Variants in NAV3 observed in about 807,000 individuals in gnomAD.
NAV3 encodes the protein pore membrane and/or filament interacting like protein 1.
NAV3 carries 87 observed loss-of-function variants against 244.7 expected under a neutral mutation model. The observed-to-expected ratio is 0.36, with a 90% CI of 0.30 to 0.42. The LOEUF is 0.42. NAV3 is among the 20% of genes least tolerant of loss of function. The pLI is 1.00. For synonymous variants in NAV3, 1,126 were observed against 1,042.2 expected, an observed-to-expected ratio of 1.08 and a Z score of -1.55; for missense variants, 2,663 against 2,893.3, an observed-to-expected ratio of 0.92 and a Z score of 1.83.
chr12:77,995,290 A>T (rs1386568398), intron 6 of NAV3, among the ~76,000 whole-genome samples: 2 of 152,144 alleles, frequency 1.3e-5, no homozygotes, highest in Non-Finnish European at 2.9e-5. Flanking sequence ...TTTAGTGGGG[A>T]AGTTAGTACC....
Position 77,994,437 on chromosome 12 carries a change from TTCA to T in NAV3, c.672-361_672-359del, listed in dbSNP as rs1871999904. On this transcript the variant is annotated intron_variant, in intron 5 of 39. Transcript: ENST00000397909. Reference sequence around the variant, plus strand: ...TTTAAACTTTTTAAGAAAGTGATCTTTCATCATGTCAGTGAAACTTTAGTTTCC... The same window carrying T: ...TTTAAACTTTTTAAGAAAGTGATCTTTCATGTCAGTGAAACTTTAGTTTCC... Among the ~76,000 whole-genome samples the T allele has an allele frequency of 2.0e-5, 3 of 152,228 alleles. No homozygotes were observed. In the South Asian group the frequency reaches 6.2e-4, roughly 32 times the overall value.
At chr12:77,812,939 G>A (rs564244397) in intron 2 of NAV3, among the ~76,000 whole-genome samples, 1 of 152,232 alleles carries the variant, frequency 6.6e-6, no homozygotes, top group East Asian at 1.9e-4. Flanking sequence ...TGATTCTCAT[G>A]CCTCAGCCTC....
chr12:78,194,357 C>T (rs1048674994), intron 34 of NAV3, among the ~76,000 whole-genome samples: 8 of 152,076 alleles, frequency 5.3e-5, no homozygotes, highest in African/African-American at 9.7e-5. Context: ...CTACTTGATA[C>T]ACGATTTCCT....
intron 2 of NAV3, among the ~76,000 whole-genome samples, chr12:77,794,879 A>G (rs1871337659): frequency 6.6e-6 from 1 of 152,166 alleles, no homozygotes; most frequent in Non-Finnish European, 1.5e-5. Context: ...TGTGTTTCTG[A>G]CAGCTCCACC....
chr12:78,129,439 C>T (rs576333755), intron 18 of NAV3, among the ~76,000 whole-genome samples: 1 of 152,060 alleles, frequency 6.6e-6, no homozygotes, highest in Non-Finnish European at 1.5e-5. Flanking sequence ...TAAGACAATA[C>T]TCTGAACATT....
chr12:78,168,929 A>C, intron 24 of NAV3, 63 bp downstream of exon 24: 1 of 1,089,904 alleles, frequency 9.2e-7, no homozygotes, highest in Non-Finnish European at 1.4e-6. Context: ...TTTATTAATT[A>C]CAGTAGAACT....
chr12:77,646,583 A>T (rs953954331), intron 2 of NAV3, among the ~76,000 whole-genome samples: 1 of 152,088 alleles, frequency 6.6e-6, no homozygotes, highest in African/African-American at 2.4e-5. Context: ...CCTTACCAAA[A>T]AGTAGAAAGG....
At chr12:78,093,598 A>C (rs1430035523) in intron 12 of NAV3, among the ~76,000 whole-genome samples, 3 of 152,198 alleles carry the variant, frequency 2.0e-5, no homozygotes, top group Non-Finnish European at 4.4e-5. Flanking sequence ...AATAGAGACT[A>C]TAAACCCTCT....
Position 78,127,187 on chromosome 12 carries a change from C to T in NAV3, c.4259C>T (p.Thr1420Ile), listed in dbSNP as rs1032758261. The change falls in exon 17 of 40, where the codon ACA becomes ATA. Residue 1420 changes from threonine (T) to isoleucine (I), a missense_variant. By Grantham distance (89) the Thr-to-Ile change is moderately conservative. Coordinates refer to ENST00000397909, the MANE Select transcript of NAV3 (RefSeq NM_001024383.2). The part of the protein sequence containing the change: ...LSESMQLDRN[T>I]LPKKGLRYTP... ...AACAGCATGCAGCTTGACAGAAATA[C>T]ACTACCCAAAAAGGGACTAAGGTAT... The T allele has an allele frequency of 1.2e-6, 2 of 1,613,640 alleles. No homozygotes were observed. Among genetic ancestry groups the T allele is most frequent in the African/African-American group, 2.7e-5 (2 of 74,998 alleles).
chr12:77,867,307 C>T (rs571831486), intron 1 of NAV3, among the ~76,000 whole-genome samples: 145 of 152,300 alleles, frequency 9.5e-4, no homozygotes, highest in African/African-American at 2.7e-3. Flanking sequence ...TCGTGCCTTT[C>T]GCCTTCTGCC....
chr12:77,995,838 A>G (rs566479797), intron 6 of NAV3, among the ~76,000 whole-genome samples: 7 of 152,298 alleles, frequency 4.6e-5, no homozygotes, highest in African/African-American at 1.4e-4. Context: ...ATGCACAATG[A>G]GCATTTTTAT....
chr12:78,202,815 T>C (rs1959861582), intron 38 of NAV3, among the ~76,000 whole-genome samples: 3 of 151,986 alleles, frequency 2.0e-5, no homozygotes, highest in Admixed American at 2.0e-4. Flanking sequence ...GCCAGAAAAG[T>C]CTATCAGCTG....
At chr12:78,030,446 G>T (rs1235587833) in intron 9 of NAV3, among the ~76,000 whole-genome samples, 6 of 152,088 alleles carry the variant, frequency 3.9e-5, no homozygotes, top group African/African-American at 1.4e-4. Flanking sequence ...TCTAGGAATT[G>T]GAAAAAATAA....
chr12:78,090,073 T>A (rs300485), intron 12 of NAV3, among the ~76,000 whole-genome samples: 8,410 of 152,020 alleles, frequency 0.055, 279 homozygotes, highest in Admixed American at 0.076. Context: ...TCTAAGTTTA[T>A]CTATGTCTCT....
chr12:77,890,131 A>G (rs897864123), intron 1 of NAV3, among the ~76,000 whole-genome samples: 2 of 152,196 alleles, frequency 1.3e-5, no homozygotes, highest in African/African-American at 4.8e-5. Flanking sequence ...ACAAACTATA[A>G]TTCAAATTGA....
At chr12:77,614,078 T>C (rs1348447682) in intron 2 of NAV3, among the ~76,000 whole-genome samples, 5 of 54,544 alleles carry the variant, frequency 9.2e-5, no homozygotes, top group Admixed American at 8.8e-4. Context: ...TTCTCTCTTT[T>C]TTTTTTTTTT....
At chr12:77,773,619 T>C (rs1169656865) in intron 2 of NAV3, among the ~76,000 whole-genome samples, 2 of 152,100 alleles carry the variant, frequency 1.3e-5, no homozygotes, top group East Asian at 3.9e-4. Context: ...TAGATAATGA[T>C]AGGACCTATG....
chr12:77,614,800 C>T (rs762392990), intron 2 of NAV3, among the ~76,000 whole-genome samples: 1 of 152,116 alleles, frequency 6.6e-6, no homozygotes, highest in Non-Finnish European at 1.5e-5. Flanking sequence ...CTTAGCCCAG[C>T]GATTGGTGCA....
chr12:77,749,581 T>A (rs891063318), intron 2 of NAV3, among the ~76,000 whole-genome samples: 1 of 152,198 alleles, frequency 6.6e-6, no homozygotes, highest in Non-Finnish European at 1.5e-5. Context: ...TATAGCTTGA[T>A]AACAAATATT....
Sources: gnomAD v4.1 joint callset for allele counts (sites outside exome capture counted in the v4.1 genomes callset) on GRCh38, gnomAD v4.1.1 for gene constraint, MANE v1.5 for transcripts, NCBI Gene and HGNC (gene_info 2026-07-23, HGNC 2026-07-21) for gene names.